TANK: variants seen among roughly 807,000 people sequenced by gnomAD.
TANK encodes the protein TRAF family member-associated NF-kappa-B activator.
TANK carries 15 observed loss-of-function variants against 43.6 expected under a neutral mutation model. The observed-to-expected ratio is 0.34, with a 90% confidence interval of 0.23 to 0.53. The LOEUF (loss-of-function observed/expected upper bound fraction) is 0.53. Among genes scored for constraint, TANK ranks in the 20% least tolerant of loss-of-function variants. TANK has a pLI of 0.94. For missense variants in TANK, 417 were observed against 498.6 expected, an observed-to-expected ratio of 0.84 and a Z score of 1.56; for synonymous variants, 162 against 178.2, an observed-to-expected ratio of 0.91 and a Z score of 0.73.
At chr2:161,179,951 T>C in intron 2 of TANK, 190 bp downstream of exon 2, 4 of 1,267,728 alleles carry the variant, frequency 3.2e-6, no homozygotes, top group Admixed American at 4.0e-5. Flanking sequence ...TTGCAACCCA[T>C]AGGAAGAGTT....
At chr2:161,202,113 A>G (rs1304572355) in intron 2 of TANK, among the ~76,000 whole-genome samples, 1 of 150,968 alleles carries the variant, frequency 6.6e-6, no homozygotes, top group Admixed American at 6.6e-5. Context: ...TCAGTTATTC[A>G]TATTTGGAGT....
chr2:161,212,309 C>T (rs927390459), intron 4 of TANK: 9 of 879,150 alleles, frequency 1.0e-5, no homozygotes, highest in Non-Finnish European at 1.1e-5. Context: ...GATCCACCTG[C>T]CTCGGCCTCC....
chr2:161,181,278 G>T (rs1288163747), intron 2 of TANK, among the ~76,000 whole-genome samples: 5 of 152,124 alleles, frequency 3.3e-5, no homozygotes, highest in Non-Finnish European at 5.9e-5. Context: ...AAATTAGCCA[G>T]GCATGGTGGC....
At position 161,146,652 on chromosome 2, in the gene TANK, C is replaced by T. The variant is rs546003273; in HGVS notation, c.-50+9589C>T. ...TGGTGTTTGCTCTTGCACCTGGAGA[C>T]ATCACTCAAGGAGGCTGGAGAACAG... On this transcript the variant is annotated intron_variant, in intron 1 of 7. Transcript: ENST00000259075. 3.3e-5 allele frequency among the ~76,000 whole-genome samples: 5 copies of T among 152,252 alleles called. No homozygotes were observed. In the East Asian group the frequency reaches 9.7e-4, roughly 29 times the overall value.
chr2:161,217,170 T>TGGG (rs1213915394), intron 4 of TANK, among the ~76,000 whole-genome samples: 6 of 152,156 alleles, frequency 3.9e-5, no homozygotes, highest in Non-Finnish European at 8.8e-5. Flanking sequence ...GCAGTGAACT[T>TGGG]GATTAGCTCA....
chr2:161,203,771 GACTTTCACATATACTAT>G (rs1421304272), intron 3 of TANK, among the ~76,000 whole-genome samples, 176 bp downstream of exon 3: 1 of 151,986 alleles, frequency 6.6e-6, no homozygotes, highest in East Asian at 1.9e-4. Context: ...TGGGAAAGTG[GACTTTCACATATACTAT>G]ACTATATGGT....
At chr2:161,137,186 A>C (rs1429133224) in intron 1 of TANK, 1 of 985,290 alleles carries the variant, frequency 1.0e-6, no homozygotes, top group Non-Finnish European at 1.2e-6. Flanking sequence ...TTATGACATG[A>C]TTCAATAATG....
intron 1 of TANK, chr2:161,162,801 A>C (rs1343530293): frequency 1.3e-5 from 2 of 152,108 alleles, no homozygotes; most frequent in African/African-American, 4.8e-5. Flanking sequence ...CACTTTGAGA[A>C]CAATTTTAAA....
At chr2:161,140,048 CTG>C in intron 1 of TANK, 1 of 509,422 alleles carries the variant, frequency 2.0e-6, no homozygotes, top group Non-Finnish European at 2.5e-6. Context: ...ATTCATAAGT[CTG>C]TAAAAATTAG....
chr2:161,214,580 T>A (rs1176976825), intron 4 of TANK, among the ~76,000 whole-genome samples: 1 of 151,916 alleles, frequency 6.6e-6, no homozygotes, highest in Non-Finnish European at 1.5e-5. Flanking sequence ...ATGGCCTTAG[T>A]CATACTCGGG....
chr2:161,162,026 G>T (rs1211187759), intron 1 of TANK: 2 of 151,992 alleles, frequency 1.3e-5, no homozygotes, highest in East Asian at 3.8e-4. Flanking sequence ...GCTAAGATAA[G>T]GATTTAATTT....
intron 4 of TANK, among the ~76,000 whole-genome samples, chr2:161,217,349 C>T (rs1220532925): frequency 6.6e-6 from 1 of 152,136 alleles, no homozygotes; most frequent in Non-Finnish European, 1.5e-5. Context: ...CTTTCCTTCA[C>T]TCTCTGGTGA....
intron 5 of TANK, 115 bp from the exon 6 acceptor site, chr2:161,224,516 T>C (rs1559006944): frequency 4.2e-6 from 2 of 471,732 alleles, no homozygotes; most frequent in Non-Finnish European, 7.6e-6. Context: ...AATAATTTTT[T>C]TTTACTTTTA....
intron 7 of TANK, among the ~76,000 whole-genome samples, chr2:161,233,273 G>A (rs1020667779): frequency 2.7e-4 from 41 of 152,178 alleles, no homozygotes; most frequent in Admixed American, 2.1e-3. Context: ...GCTTGTGCCT[G>A]TGGCCTCCAG....
At chr2:161,204,191 G>T (rs1686545738) in intron 3 of TANK, among the ~76,000 whole-genome samples, 1 of 152,130 alleles carries the variant, frequency 6.6e-6, no homozygotes, top group Admixed American at 6.5e-5. Flanking sequence ...TATAGGAAAA[G>T]AAGAATTCTG....
intron 1 of TANK, among the ~76,000 whole-genome samples, chr2:161,154,136 T>C (rs1230321250): frequency 1.3e-5 from 2 of 152,114 alleles, no homozygotes; most frequent in African/African-American, 2.4e-5. Context: ...CAGGGTAAAA[T>C]AGGAGCCCAC....
At chr2:161,217,742 G>A (rs541567469) in intron 4 of TANK, among the ~76,000 whole-genome samples, 2 of 152,016 alleles carry the variant, frequency 1.3e-5, no homozygotes, top group African/African-American at 4.8e-5. Flanking sequence ...TTCTGGCTGA[G>A]TATGGTCAGG....
intron 7 of TANK, among the ~76,000 whole-genome samples, chr2:161,233,940 AAAG>A (rs1688049624): frequency 6.6e-6 from 1 of 152,172 alleles, no homozygotes; most frequent in South Asian, 2.1e-4. Flanking sequence ...TACTTTTATC[AAAG>A]AAGTTTTTCC....
intron 2 of TANK, among the ~76,000 whole-genome samples, chr2:161,189,232 A>G (rs188522727): frequency 1.9e-3 from 293 of 152,340 alleles, no homozygotes; most frequent in Non-Finnish European, 2.5e-3. Flanking sequence ...ATGGTTCAGC[A>G]TACAAAACTA....
Sources: allele counts gnomAD v4.1 joint callset (sites outside exome capture counted in the v4.1 genomes callset), GRCh38; gene constraint gnomAD v4.1.1; transcripts MANE v1.5; gene names NCBI Gene and HGNC (gene_info 2026-07-23, HGNC 2026-07-21).